HNRNPU: variants seen among roughly 807,000 people sequenced by gnomAD.
The protein encoded by HNRNPU is heterogeneous nuclear ribonucleoprotein U.
A neutral mutation model predicts 94.7 loss-of-function variants in HNRNPU; 5 were observed. That is an observed-to-expected ratio of 0.05 (90% CI 0.03 to 0.11). The LOEUF (loss-of-function observed/expected upper bound fraction) is 0.11, where lower values mean the gene tolerates loss of function less well. HNRNPU is among the 10% of genes least tolerant of loss of function. HNRNPU has a pLI of 1.00. For synonymous variants in HNRNPU, 434 were observed against 381.6 expected, an observed-to-expected ratio of 1.14 and a Z score of -1.60; for missense variants, 710 against 1,049.2, an observed-to-expected ratio of 0.68 and a Z score of 4.47.
chr1:244,864,325 A>C lies in HNRNPU; in HGVS notation c.-18T>G, dbSNP rs777008090. 6.2e-7 allele frequency: 1 copy of C among 1,609,378 alleles called. No homozygotes were observed. ...GAACTCATGGTGAGGGCCCCGATTC[A>C]CCGCTAGGCGCTGCCTCAAACTCGG... On this transcript the variant is annotated 5_prime_UTR_variant, in exon 1 of 14. Coordinates refer to ENST00000640218, the MANE Select transcript of HNRNPU (RefSeq NM_031844.3).
chr1:244,862,985 C>G (rs1680881702), intron 1 of HNRNPU: 1 of 516,336 alleles, frequency 1.9e-6, no homozygotes. Flanking sequence ...GGCCCAGGCC[C>G]GAAGCCCACG....
In HNRNPU at chr1:244,862,487, T is replaced by C. The variant is rs1680863800; in HGVS notation, c.851A>G (p.Asp284Gly). 1 of 1,613,172 alleles carries C rather than the reference T, an allele frequency of 6.2e-7. No homozygotes were observed. Among genetic ancestry groups the C allele is most frequent in the Non-Finnish European group, 8.5e-7 (1 of 1,179,680 alleles). Residue 284 changes from aspartate to glycine, a missense_variant, in exon 3 of 14, where the codon GAT becomes GGT. Physicochemically the swap from Asp to Gly is moderately conservative, Grantham distance 94 (BLOSUM62 -1). Coordinates refer to ENST00000640218, the MANE Select transcript of HNRNPU (RefSeq NM_031844.3). Reference sequence around the variant, plus strand: ...AGTATCAAGACAAACCACTGTGTCATCGAAGTGTTCATCTTCTTCTTCAAC... The same window carrying C: ...AGTATCAAGACAAACCACTGTGTCACCGAAGTGTTCATCTTCTTCTTCAAC... ...PPVEEEDEHF[D>G]DTVVCLDTYN...
chr1:244,855,261 T>C, intron 12 of HNRNPU, 163 bp downstream of exon 12: 1 of 797,812 alleles, frequency 1.3e-6, no homozygotes, highest in Non-Finnish European at 2.1e-6. Flanking sequence ...CTGAAAAAAC[T>C]CAAAAGTAAG....
At chr1:244,857,167 C>G (rs1203411790) in intron 8 of HNRNPU, 1 of 258,658 alleles carries the variant, frequency 3.9e-6, no homozygotes, top group Non-Finnish European at 7.2e-6. Flanking sequence ...CCTCCCATCT[C>G]TTTAAGATAC....
intron 1 of HNRNPU, chr1:244,863,001 C>G: frequency 2.3e-6 from 1 of 442,336 alleles, no homozygotes; most frequent in East Asian, 4.2e-5. Flanking sequence ...CCACGTGTAT[C>G]CCGAAGAGAG....
intron 12 of HNRNPU, 173 bp from the exon 13 acceptor site, chr1:244,855,217 A>G (rs1680646474): frequency 7.1e-6 from 5 of 707,512 alleles, no homozygotes; most frequent in South Asian, 1.8e-5. Context: ...TTTTTTATTC[A>G]TTATGAGAAA....
chr1:244,850,519 A>C lies in HNRNPU; in HGVS notation c.*3931T>G, dbSNP rs1361508880. 4 of 136,178 alleles carry C rather than the reference A, an allele frequency of 2.9e-5. No homozygotes were observed. The highest frequency in any genetic ancestry group is 6.1e-5 in the Non-Finnish European group (4 of 65,392). 8.4% of individuals were successfully genotyped at this position (136,178 alleles called of 1,614,324 possible). A position where few individuals can be genotyped will look rare whatever the true frequency, so the allele number is the denominator to read the frequency against. On this transcript the variant is annotated 3_prime_UTR_variant, in exon 14 of 14. Coordinates refer to ENST00000640218, the MANE Select transcript of HNRNPU (RefSeq NM_031844.3). ...CTTTAATAAAGGCACTGCAGCGTTA[A>C]CTAAGTTTTAGGGTAAATTTAGGCA...
In HNRNPU at chr1:244,862,479, C is replaced by T. The variant is rs750940733; in HGVS notation, c.859G>A (p.Val287Met). The change falls in exon 3 of 14, where the codon GTG becomes ATG. Residue 287 changes from valine to methionine, a missense_variant. Physicochemically the swap from Val to Met is conservative, Grantham distance 21. Coordinates refer to ENST00000640218, the MANE Select transcript of HNRNPU (RefSeq NM_031844.3). ...EEEDEHFDDTVVCLDTYNCDL... is the reference protein window; with the variant it reads ...EEEDEHFDDTMVCLDTYNCDL... ...CACTTACAAGTATCAAGACAAACCA[C>T]TGTGTCATCGAAGTGTTCATCTTCT... 2.5e-6 allele frequency: 4 copies of T among 1,612,418 alleles called. No individual in the cohort carries two copies. In the East Asian group the frequency reaches 6.7e-5, roughly 27 times the overall value.
chr1:244,858,488 TAGA>T (rs1680739592), intron 6 of HNRNPU: 1 of 609,020 alleles, frequency 1.6e-6, no homozygotes, highest in Admixed American at 3.2e-5. Context: ...ACCTAGAAGC[TAGA>T]CTGAATTTTC....
chr1:244,863,088 T>C (rs989718817), intron 1 of HNRNPU: 4 of 252,500 alleles, frequency 1.6e-5, no homozygotes, highest in East Asian at 1.1e-4. Context: ...CGCGGCCGCA[T>C]TGTACTGATC....
In HNRNPU at chr1:244,851,893, C is replaced by T. The variant is rs1373769436; in HGVS notation, c.*2557G>A. 1 of 152,158 alleles carries T rather than the reference C, an allele frequency of 6.6e-6. No individual in the cohort carries two copies. Among genetic ancestry groups the T allele is most frequent in the Non-Finnish European group, 1.5e-5 (1 of 68,038 alleles). The allele number at this position is 152,158 out of a possible 1,614,324, so 9.4% of individuals were successfully genotyped here. On this transcript the variant is annotated 3_prime_UTR_variant, in exon 14 of 14. Transcript: ENST00000640218. ...ATAGCAGTTTTAGTTTTCTCAAATT[C>T]TATGCTGTTTTTGTACTACTGCAGC...
rs1245840982 is a variant in HNRNPU at position 244,851,132 on chromosome 1, A to C, written c.*3318T>G. On this transcript the variant is annotated 3_prime_UTR_variant, in exon 14 of 14. Transcript: ENST00000640218. ...CCAAGTTCCATCCACTTTTGAAAACAAGACATTTATGTATAGGAAGAGAAT... is the reference window on the plus strand; with the variant it reads ...CCAAGTTCCATCCACTTTTGAAAACCAGACATTTATGTATAGGAAGAGAAT... The C allele has an allele frequency of 3.3e-5, 5 of 152,220 alleles. No individual in the cohort carries two copies. The highest frequency in any genetic ancestry group is 1.2e-4 in the African/African-American group (5 of 41,464). 9.4% of individuals were successfully genotyped at this position (152,220 alleles called of 1,614,324 possible). A position where few individuals can be genotyped will look rare whatever the true frequency, so the allele number is the denominator to read the frequency against.
Position 244,864,401 on chromosome 1 carries a change from G to C in HNRNPU, c.-94C>G. ...GGCTGCTGCGGCTGCTCCTCGGCCC[G>C]GGCGGCGGCTGCGGCTGCGGCTGGA... On this transcript the variant is annotated 5_prime_UTR_variant, in exon 1 of 14. Transcript: ENST00000640218. 6.4e-7 allele frequency: 1 copy of C among 1,572,676 alleles called. No homozygotes were observed.
Position 244,859,358 on chromosome 1 carries a change from G to A in HNRNPU, c.1034C>T (p.Pro345Leu), listed in dbSNP as rs1298865067. The A allele has an allele frequency of 1.3e-6, 2 of 1,560,490 alleles. No individual in the cohort carries two copies. The highest frequency in any genetic ancestry group is 3.3e-5 in the Admixed American group (2 of 59,842). ...ATCTTTTGTATATAAATGCCTTACT[G>A]GGATCTTCTCTGTAACCTGAAAGTC... ...CFEMKVTEKI[P>L]VRHLYTKDID... is the part of the protein sequence containing the mutation. Residue 345 changes from proline (P) to leucine (L), a missense_variant, in exon 5 of 14, where the codon CCA (proline) becomes CTA (leucine). Transcript: ENST00000640218.
intron 1 of HNRNPU, chr1:244,863,097 T>C (rs1325291110): frequency 9.9e-6 from 2 of 201,920 alleles, no homozygotes; most frequent in African/African-American, 4.8e-5. Flanking sequence ...ATTGTACTGA[T>C]CTTCCGCCCC....
At chr1:244,854,860 CTA>C in intron 13 of HNRNPU, 111 bp downstream of exon 13, 2 of 886,554 alleles carry the variant, frequency 2.3e-6, no homozygotes, top group South Asian at 2.8e-5. Flanking sequence ...ACACTTTACC[CTA>C]TTAACACTTA....
chr1:244,859,419 G>A (rs958931415), intron 4 of HNRNPU, 45 bp from the exon 5 acceptor site: 14 of 958,182 alleles, frequency 1.5e-5, no homozygotes, highest in Non-Finnish European at 2.2e-5. Context: ...CACCAAGGAG[G>A]TAACCCCTTA....
intron 12 of HNRNPU, 114 bp downstream of exon 12, chr1:244,855,310 G>A: frequency 1.9e-6 from 2 of 1,051,516 alleles, no homozygotes; most frequent in South Asian, 1.5e-5. Context: ...TTTTCCTTAT[G>A]TCAATGCCTA....
chr1:244,863,009 G>A (rs1462396124), intron 1 of HNRNPU: 16 of 400,138 alleles, frequency 4.0e-5, no homozygotes, highest in South Asian at 6.5e-5. Context: ...ATCCCGAAGA[G>A]AGCGCAGAGA....
Sources: gnomAD v4.1 joint callset for allele counts on GRCh38, gnomAD v4.1.1 for gene constraint, MANE v1.5 for transcripts, NCBI Gene and HGNC (gene_info 2026-07-23, HGNC 2026-07-21) for gene names.